The following SAMSN1 variants were observed in gnomAD, a reference collection of about 807,000 sequenced individuals.
The protein encoded by SAMSN1 is SAM domain, SH3 domain and nuclear localization signals 1.
A neutral mutation model predicts 42.0 loss-of-function variants in SAMSN1; 31 were observed. The observed-to-expected ratio is 0.74, with a 90% CI of 0.55 to 1.00. The LOEUF (loss-of-function observed/expected upper bound fraction) is 1.00, where lower values mean the gene tolerates loss of function less well. SAMSN1 is among the 50% of genes least tolerant of loss of function. SAMSN1 has a pLI of 0.00. For missense variants in SAMSN1, 464 were observed against 439.4 expected, an observed-to-expected ratio of 1.06 and a Z score of -0.50; for synonymous variants, 178 against 151.9, an observed-to-expected ratio of 1.17 and a Z score of -1.26.
chr21:14,560,474 C>G (rs1980909423), intron 2 of SAMSN1, among the ~76,000 whole-genome samples: 2 of 152,146 alleles, frequency 1.3e-5, no homozygotes, highest in Admixed American at 6.5e-5. Context: ...AACTTCAAAA[C>G]ATGTCTCTTT....
chr21:14,548,672 A>G (rs1449087090), upstream of SAMSN1, among the ~76,000 whole-genome samples: 1 of 152,130 alleles, frequency 6.6e-6, no homozygotes. Flanking sequence ...CAGATGTGAC[A>G]TTTGAGGTCC....
intron 7 of SAMSN1, among the ~76,000 whole-genome samples, chr21:14,487,221 T>C (rs1986474644): frequency 6.6e-6 from 1 of 152,158 alleles, no homozygotes; most frequent in Non-Finnish European, 1.5e-5. Context: ...CCCATTCCAG[T>C]GAGAATAAAG....
At chr21:14,601,957 T>C (rs533867796) in intron 6 of SAMSN1, 1 of 592,194 alleles carries the variant, frequency 1.7e-6, no homozygotes, top group East Asian at 2.8e-5. Flanking sequence ...CTATGCCTAA[T>C]ATATTACAGA....
intron 2 of SAMSN1, among the ~76,000 whole-genome samples, chr21:14,519,494 A>G (rs538843366): frequency 2.2e-4 from 33 of 151,976 alleles, no homozygotes; most frequent in Non-Finnish European, 4.0e-4. Flanking sequence ...CTCTCTCTCC[A>G]TATATATACA....
In SAMSN1 at chr21:14,648,554, A is replaced by T. The variant is rs530288176; in HGVS notation, c.25-5421T>A. Reference sequence around the variant, plus strand: ...GGGCTAATATCCAGAATCTACAATGAACTCAAACAAATTTACAAGAATAAA... The same window carrying T: ...GGGCTAATATCCAGAATCTACAATGTACTCAAACAAATTTACAAGAATAAA... On this transcript the variant is annotated intron_variant, in intron 1 of 15. Transcript: ENST00000647101. Among the ~76,000 whole-genome samples, 4 of 152,326 alleles carry T rather than the reference A, an allele frequency of 2.6e-5. No individual in the cohort carries two copies. The East Asian group carries it at 7.7e-4, about 29-fold the overall frequency.
chr21:14,494,572 G>A (rs1374795553), intron 7 of SAMSN1, among the ~76,000 whole-genome samples: 1 of 152,124 alleles, frequency 6.6e-6, no homozygotes, highest in Admixed American at 6.5e-5. Context: ...TGGGGGGCTA[G>A]GGGAAGGATA....
chr21:14,573,446 T>C (rs1236396665), intron 2 of SAMSN1, among the ~76,000 whole-genome samples: 1 of 152,162 alleles, frequency 6.6e-6, no homozygotes, highest in African/African-American at 2.4e-5. Flanking sequence ...CTGACTTACA[T>C]TGTTTAAGTC....
intron 4 of SAMSN1, among the ~76,000 whole-genome samples, chr21:14,611,952 A>C (rs1427877197): frequency 3.9e-5 from 6 of 152,118 alleles, no homozygotes; most frequent in Non-Finnish European, 8.8e-5. Context: ...AAAATTATTG[A>C]GGCCAGGCAT....
At chr21:14,655,481 A>C (rs2123402061) in intron 1 of SAMSN1, among the ~76,000 whole-genome samples, 1 of 151,976 alleles carries the variant, frequency 6.6e-6, no homozygotes, top group East Asian at 1.9e-4. Flanking sequence ...ATAAAACTAC[A>C]TTAAGACCAA....
At chr21:14,556,881 A>G (rs1980778510) in intron 2 of SAMSN1, among the ~76,000 whole-genome samples, 1 of 152,226 alleles carries the variant, frequency 6.6e-6, no homozygotes, top group Admixed American at 6.5e-5. Flanking sequence ...AAATGAAAGA[A>G]AGATCTGGTT....
intron 7 of SAMSN1, chr21:14,591,780 C>T (rs556129394): frequency 6.6e-6 from 1 of 152,176 alleles, no homozygotes; most frequent in African/African-American, 2.4e-5. Context: ...ACACTAAAAC[C>T]CTTTCAAGTC....
intron 2 of SAMSN1, among the ~76,000 whole-genome samples, chr21:14,635,474 C>T (rs772654172): frequency 2.0e-5 from 3 of 152,180 alleles, no homozygotes; most frequent in Non-Finnish European, 4.4e-5. Flanking sequence ...GTCAAACACT[C>T]CACTATACCT....
At position 14,592,836 on chromosome 21, in the gene SAMSN1, T is replaced by C. The variant is rs1025164005; in HGVS notation, c.465+1177A>G. 4.6e-5 allele frequency among the ~76,000 whole-genome samples: 7 copies of C among 152,194 alleles called. 1 individual carries two copies. The highest frequency in any genetic ancestry group is 2.6e-4 in the Admixed American group (4 of 15,264). ...GCAATCTAGTTCTCTTGCTTCTGTT[T>C]CTAATTAAGGAATTTCATAATCCTC... On this transcript the variant is annotated intron_variant, in intron 7 of 15. Coordinates refer to the SAMSN1 transcript ENST00000647101.
Position 14,632,202 on chromosome 21 carries a change from G to A in SAMSN1, c.156+10800C>T, listed in dbSNP as rs569725878. 8.6e-5 allele frequency among the ~76,000 whole-genome samples: 13 copies of A among 152,028 alleles called. No individual in the cohort carries two copies. The East Asian group carries it at 1.9e-3, about 23-fold the overall frequency. ...ATTTGGCCACTTCCTAACTGTGATA[G>A]AAGCAGCAGCAATCTTTGGTGGCTG... On this transcript the variant is annotated intron_variant, in intron 2 of 15. Transcript: ENST00000647101.
At chr21:14,525,628 A>G (rs1568787275) in intron 1 of SAMSN1, among the ~76,000 whole-genome samples, 1 of 152,228 alleles carries the variant, frequency 6.6e-6, no homozygotes, top group Non-Finnish European at 1.5e-5. Context: ...TTACTCTCTT[A>G]TATACAATTT....
At chr21:14,589,473 G>A (rs1369775951) in intron 7 of SAMSN1, among the ~76,000 whole-genome samples, 1 of 151,978 alleles carries the variant, frequency 6.6e-6, no homozygotes, top group African/African-American at 2.4e-5. Context: ...TTCCAAAACA[G>A]AGGATAAGTA....
chr21:14,642,323 A>G (rs1032642236), intron 2 of SAMSN1, among the ~76,000 whole-genome samples: 2 of 152,242 alleles, frequency 1.3e-5, no homozygotes, highest in African/African-American at 4.8e-5. Context: ...AATTTTAAAG[A>G]TAATTCACAG....
intron 1 of SAMSN1, among the ~76,000 whole-genome samples, chr21:14,542,707 G>GT (rs1209752878): frequency 6.6e-6 from 1 of 152,186 alleles, no homozygotes; most frequent in Non-Finnish European, 1.5e-5. Flanking sequence ...GGCTGAGGTG[G>GT]TTTGAGATGG....
At chr21:14,555,188 C>A (rs1270195587) in intron 2 of SAMSN1, among the ~76,000 whole-genome samples, 1 of 152,200 alleles carries the variant, frequency 6.6e-6, no homozygotes, top group East Asian at 1.9e-4. Context: ...CATTTCATTG[C>A]AGCCTCCTTG....
Sources: gnomAD v4.1 joint callset for allele counts (sites outside exome capture counted in the v4.1 genomes callset) on GRCh38, gnomAD v4.1.1 for gene constraint, MANE v1.5 for transcripts, NCBI Gene and HGNC (gene_info 2026-07-23, HGNC 2026-07-21) for gene names.